The following ZSCAN26 variants were observed in gnomAD, a reference collection of about 807,000 sequenced individuals.
ZSCAN26 encodes zinc finger and SCAN domain-containing protein 26.
Under a neutral mutation model 23.0 loss-of-function variants are expected in ZSCAN26, and 26 were observed. The ratio of observed to expected loss-of-function variants is 1.13; its 90% CI spans 0.83 to 1.57. ZSCAN26 has a LOEUF of 1.57. ZSCAN26 is among the 40% of genes most tolerant of loss of function. The probability of loss-of-function intolerance (pLI) is 0.00; values close to 1 mark genes in which losing one functional copy is unlikely to be tolerated. For synonymous variants in ZSCAN26, 180 were observed against 202.5 expected (o/e 0.89, Z 0.94); for missense variants, 528 against 568.5 (o/e 0.93, Z 0.72).
At chr6:28,270,896 CTG>C (rs1239029088) in intron 1 of ZSCAN26, among the ~76,000 whole-genome samples, 2 of 152,256 alleles carry the variant, frequency 1.3e-5, no homozygotes, top group Non-Finnish European at 2.9e-5. Context: ...CTCTTGAACA[CTG>C]TGCTCATATC....
At position 28,272,124 on chromosome 6, in the gene ZSCAN26, C is replaced by G; in HGVS notation, c.205C>G (p.Leu69Val). ...AGAGACCACAGGACCTCGAGAAGCA[C>G]TAAGTCGGCTCCGGGAGCTCTGTCA... ...YEETTGPREALSRLRELCQQW... is the reference protein window; with the variant it reads ...YEETTGPREAVSRLRELCQQW... Residue 69 changes from leucine to valine, a missense_variant, in exon 2 of 4, where the codon CTA becomes GTA. Physicochemically the swap from Leu to Val is conservative, Grantham distance 32. Transcript: ENST00000421553. 6.2e-7 allele frequency: 1 copy of G among 1,605,926 alleles called. No homozygotes were observed. The highest frequency in any genetic ancestry group is 8.5e-7 in the Non-Finnish European group (1 of 1,175,970).
At chr6:28,271,297 G>A (rs565155418) in intron 1 of ZSCAN26, among the ~76,000 whole-genome samples, 1 of 152,094 alleles carries the variant, frequency 6.6e-6, no homozygotes, top group Non-Finnish European at 1.5e-5. Flanking sequence ...CAGCTTTATG[G>A]TGTCTTTTTT....
At position 28,277,816 on chromosome 6, in the gene ZSCAN26, T is replaced by G. The variant is rs1762013163; in HGVS notation, c.*720T>G. The G allele has an allele frequency of 6.6e-6, 1 of 152,262 alleles. No homozygotes were observed. Among genetic ancestry groups the G allele is most frequent in the Non-Finnish European group, 1.5e-5 (1 of 68,056 alleles). The allele number at this position is 152,262 out of a possible 1,614,324, so 9.4% of individuals were successfully genotyped here. A position where few individuals can be genotyped will look rare whatever the true frequency, so the allele number is the denominator to read the frequency against. On this transcript the variant is annotated 3_prime_UTR_variant, in exon 4 of 4. Coordinates refer to ENST00000421553, the MANE Select transcript of ZSCAN26 (RefSeq NM_001023560.4). ...AAAGAGATTTCATGAGTAATTTGAA[T>G]GAACCTTGCTGAATTAATCTGAATA...
intron 3 of ZSCAN26, among the ~76,000 whole-genome samples, chr6:28,273,563 A>G (rs1388698679): frequency 6.6e-6 from 1 of 151,958 alleles, no homozygotes; most frequent in African/African-American, 2.4e-5. Flanking sequence ...AACAAAAAAA[A>G]AAACAAGTAC....
chr6:28,276,450 G>A lies in ZSCAN26; in HGVS notation c.794G>A (p.Cys265Tyr), dbSNP rs1049068112. 2 of 1,613,886 alleles carry A rather than the reference G, an allele frequency of 1.2e-6. No individual in the cohort carries two copies. The highest frequency in any genetic ancestry group is 1.7e-6 in the Non-Finnish European group (2 of 1,179,882). ...AAGAAACTCTGCGAGTCTGATGTGT[G>A]TCAGAGTTCCAGTCTTACAGGACAT... is the stretch of plus-strand genomic sequence containing the variant. The part of the protein sequence containing the change: ...TGKKLCESDV[C>Y]QSSSLTGHKK... Residue 265 changes from cysteine to tyrosine, a missense_variant, in exon 4 of 4, where the codon TGT (cysteine) becomes TAT (tyrosine). Cys to Tyr is a radical substitution (Grantham distance 194). Transcript: ENST00000421553.
At chr6:28,275,952 A>G (rs940668657) in intron 3 of ZSCAN26, among the ~76,000 whole-genome samples, 11 of 152,162 alleles carry the variant, frequency 7.2e-5, no homozygotes, top group Non-Finnish European at 1.6e-4. Context: ...GTATCCCATG[A>G]TAAAATTTAA....
intron 3 of ZSCAN26, among the ~76,000 whole-genome samples, chr6:28,273,585 TAATC>T (rs747978430): frequency 4.6e-5 from 7 of 150,976 alleles, no homozygotes; most frequent in East Asian, 1.9e-4. Context: ...GCTAGTTTCT[TAATC>T]AAGGCAAAGA....
At chr6:28,268,664 A>T (rs918892660) in intron 1 of ZSCAN26, among the ~76,000 whole-genome samples, 1 of 152,214 alleles carries the variant, frequency 6.6e-6, no homozygotes, top group African/African-American at 2.4e-5. Context: ...GATTGATCAG[A>T]TACATGAGAT....
chr6:28,272,709 G>A lies in ZSCAN26; in HGVS notation c.460G>A (p.Glu154Lys), dbSNP rs749854697. The A allele has an allele frequency of 3.7e-6, 6 of 1,612,890 alleles. No homozygotes were observed. The highest frequency in any genetic ancestry group is 3.3e-5 in the Admixed American group (2 of 59,902). ...AAAGAAACAAAAAATACTTGTGGAG[G>A]AGATGGCCCCTCTGAAAGGAGTACA... ...QPKKQKILVE[E>K]MAPLKGVQEQ... Residue 154 changes from glutamate (E) to lysine (K), a missense_variant, in exon 3 of 4, where the codon GAG becomes AAG. By Grantham distance (56) the Glu-to-Lys change is moderately conservative (BLOSUM62 1). Coordinates refer to ENST00000421553, the MANE Select transcript of ZSCAN26 (RefSeq NM_001023560.4).
At chr6:28,269,116 GAA>G (rs71778120) in intron 1 of ZSCAN26, among the ~76,000 whole-genome samples, 8 of 141,188 alleles carry the variant, frequency 5.7e-5, no homozygotes, top group African/African-American at 1.0e-4. Context: ...CCATTTCAAA[GAA>G]AAAAAAAAAA....
rs1199023739 is a variant in ZSCAN26 at position 28,278,158 on chromosome 6, G to C, written c.*1062G>C. 1 of 152,132 alleles carries C rather than the reference G, an allele frequency of 6.6e-6. No homozygotes were observed. Among genetic ancestry groups the C allele is most frequent in the Non-Finnish European group, 1.5e-5 (1 of 68,030 alleles). 9.4% of individuals were successfully genotyped at this position (152,132 alleles called of 1,614,324 possible). On this transcript the variant is annotated 3_prime_UTR_variant, in exon 4 of 4. Transcript: ENST00000421553. ...TGCAATCCATATATATCCTGGTCTTGGGAGTCCATAGAATACTGTTTCCTT... is the reference window on the plus strand; with the variant it reads ...TGCAATCCATATATATCCTGGTCTTCGGAGTCCATAGAATACTGTTTCCTT...
At chr6:28,268,505 A>G (rs568336013) in intron 1 of ZSCAN26, among the ~76,000 whole-genome samples, 140 of 152,356 alleles carry the variant, frequency 9.2e-4, no homozygotes, top group African/African-American at 3.3e-3. Flanking sequence ...TATCCTCCTT[A>G]GAATGATCAC....
Position 28,277,228 on chromosome 6 carries a change from A to C in ZSCAN26, c.*132A>C, listed in dbSNP as rs1397412851. The C allele has an allele frequency of 4.7e-6, 4 of 844,530 alleles. No homozygotes were observed. The highest frequency in any genetic ancestry group is 7.3e-6 in the Non-Finnish European group (4 of 545,278). The allele number at this position is 844,530 out of a possible 1,614,324, so 52.3% of individuals were successfully genotyped here. A position where few individuals can be genotyped will look rare whatever the true frequency, so the allele number is the denominator to read the frequency against. On this transcript the variant is annotated 3_prime_UTR_variant, in exon 4 of 4. Transcript: ENST00000421553. ...GCTGAGTTGGAGGCTCCCTGCCTCTATTCTCTCTCCTTTGCTTTCCTTGAA... is the reference window on the plus strand; with the variant it reads ...GCTGAGTTGGAGGCTCCCTGCCTCTCTTCTCTCTCCTTTGCTTTCCTTGAA...
Position 28,272,769 on chromosome 6 carries a change from A to T in ZSCAN26, c.520A>T (p.Lys174Ter). 1.2e-6 allele frequency: 2 copies of T among 1,613,092 alleles called. No homozygotes were observed. Residue 174 changes from lysine (K) to a stop codon, truncating the protein, a stop_gained, in exon 3 of 4, where the codon AAG becomes TAG. Transcript: ENST00000421553. LOFTEE classifies it low-confidence loss of function (END_TRUNC). ...GGTTCGGCATGAGTGTGAAGTTACAAAGCCTGAGAAAGAGAAGGGTAAGAA... is the reference window on the plus strand; with the variant it reads ...GGTTCGGCATGAGTGTGAAGTTACATAGCCTGAGAAAGAGAAGGGTAAGAA... ...QQVRHECEVT[K>*]PEKEKGEETR...
Position 28,272,771 on chromosome 6 carries a change from G to A in ZSCAN26, c.522G>A (p.Lys174=), listed in dbSNP as rs759360681. 2.5e-6 allele frequency: 4 copies of A among 1,613,112 alleles called. No homozygotes were observed. The highest frequency in any genetic ancestry group is 1.3e-5 in the African/African-American group (1 of 75,040). ...QQVRHECEVT[K]PEKEKGEETR... is the part of the protein sequence containing the mutation. ...TTCGGCATGAGTGTGAAGTTACAAA[G>A]CCTGAGAAAGAGAAGGGTAAGAATT... Residue 174 remains lysine, a synonymous_variant, in exon 3 of 4, where the codon AAG becomes AAA. Coordinates refer to ENST00000421553, the MANE Select transcript of ZSCAN26 (RefSeq NM_001023560.4).
rs1761949288 is a variant in ZSCAN26, at chr6:28,276,597, A to G, written c.941A>G (p.Asn314Ser). The G allele has an allele frequency of 6.2e-7, 1 of 1,612,936 alleles. No homozygotes were observed. The highest frequency in any genetic ancestry group is 2.2e-5 in the East Asian group (1 of 44,876). Residue 314 changes from asparagine (N) to serine (S), a missense_variant, in exon 4 of 4, where the codon AAT becomes AGT. By Grantham distance (46) the Asn-to-Ser change is conservative. Transcript: ENST00000421553. ...IHLGEKPYQC[N>S]ECGKVFSQNA... ...CTTGGTGAGAAGCCTTATCAGTGCA[A>G]TGAGTGTGGCAAAGTCTTTAGCCAG...
chr6:28,273,636 C>T (rs1287857813), intron 3 of ZSCAN26, among the ~76,000 whole-genome samples: 2 of 150,202 alleles, frequency 1.3e-5, no homozygotes, highest in Non-Finnish European at 1.5e-5. Flanking sequence ...TTAACATTTC[C>T]TTCAAATTAT....
Position 28,276,382 on chromosome 6 carries a change from C to G in ZSCAN26, c.726C>G (p.Ile242Met), listed in dbSNP as rs755346099. Residue 242 changes from isoleucine to methionine, a missense_variant, in exon 4 of 4, where the codon ATC becomes ATG. Coordinates refer to ENST00000421553, the MANE Select transcript of ZSCAN26 (RefSeq NM_001023560.4). ...YKCSEREQRFIQHLDLIEHAS... is the reference protein window; with the variant it reads ...YKCSEREQRFMQHLDLIEHAS... Reference sequence around the variant, plus strand: ...GCTCAGAACGTGAGCAGAGATTCATCCAGCACTTGGACCTGATTGAACATG... The same window carrying G: ...GCTCAGAACGTGAGCAGAGATTCATGCAGCACTTGGACCTGATTGAACATG... The G allele has an allele frequency of 6.8e-6, 11 of 1,613,970 alleles. No individual in the cohort carries two copies. The highest frequency in any genetic ancestry group is 9.3e-6 in the Non-Finnish European group (11 of 1,179,874).
intron 1 of ZSCAN26, among the ~76,000 whole-genome samples, chr6:28,267,813 C>T (rs1408434128): frequency 1.3e-5 from 2 of 152,108 alleles, no homozygotes; most frequent in African/African-American, 4.8e-5. Context: ...AGCTTCTTTA[C>T]TTGGAGACTC....
Sources: allele counts gnomAD v4.1 joint callset (sites outside exome capture counted in the v4.1 genomes callset), GRCh38; gene constraint gnomAD v4.1.1; transcripts MANE v1.5; gene names NCBI Gene and HGNC (gene_info 2026-07-23, HGNC 2026-07-21).